The following HSD17B12 variants were observed in gnomAD, a reference collection of about 807,000 sequenced individuals.
HSD17B12 encodes very-long-chain 3-oxoacyl-CoA reductase.
HSD17B12 carries 32 observed loss-of-function variants against 39.3 expected under a neutral mutation model. The ratio of observed to expected loss-of-function variants is 0.81; its 90% CI spans 0.61 to 1.09. HSD17B12 has a LOEUF of 1.09. Ranked by LOEUF, HSD17B12 falls within the 50% of genes least tolerant of loss-of-function variation. The probability of loss-of-function intolerance (pLI) is 0.00; values close to 1 mark genes in which losing one functional copy is unlikely to be tolerated. For missense variants in HSD17B12, 342 were observed against 382.9 expected (o/e 0.89, Z 0.89); for synonymous variants, 150 against 146.7 (o/e 1.02, Z -0.16).
the HSD17B12 span, among the ~76,000 whole-genome samples, chr11:43,564,898 C>CTTTT: frequency 3.6e-5 from 5 of 140,588 alleles, no homozygotes; most frequent in Non-Finnish European, 4.6e-5. Flanking sequence ...CTTTCTTCTT[C>CTTTT]TTTTTTTTTT....
intron 4 of HSD17B12, among the ~76,000 whole-genome samples, chr11:43,814,401 G>T (rs1001641800): frequency 6.6e-6 from 1 of 152,004 alleles, no homozygotes; most frequent in Non-Finnish European, 1.5e-5. Context: ...TAGGCAGATA[G>T]ATAGATCATC....
At chr11:43,649,627 C>T in the HSD17B12 span, among the ~76,000 whole-genome samples, 1 of 152,218 alleles carries the variant, frequency 6.6e-6, no homozygotes, top group Non-Finnish European at 1.5e-5. Context: ...AAGGTGGCCA[C>T]AACTGTGTCT....
At chr11:43,672,672 C>T in the HSD17B12 span, among the ~76,000 whole-genome samples, 35 of 152,094 alleles carry the variant, frequency 2.3e-4, no homozygotes, top group Non-Finnish European at 3.7e-4. Flanking sequence ...CCCTGAGTAG[C>T]TGGGATTACA....
the HSD17B12 span, among the ~76,000 whole-genome samples, chr11:43,633,684 C>T: frequency 6.6e-6 from 1 of 152,088 alleles, no homozygotes; most frequent in Non-Finnish European, 1.5e-5. Flanking sequence ...GTAATGGTCC[C>T]ACCCTAAATG....
At chr11:43,639,198 A>T in the HSD17B12 span, among the ~76,000 whole-genome samples, 1 of 152,188 alleles carries the variant, frequency 6.6e-6, no homozygotes, top group Non-Finnish European at 1.5e-5. Context: ...AAAACATTGC[A>T]CTTTTTTCTC....
intron 1 of HSD17B12, among the ~76,000 whole-genome samples, chr11:43,745,180 C>A (rs146849117): frequency 3.1e-4 from 47 of 152,206 alleles, no homozygotes; most frequent in Admixed American, 2.8e-3. Context: ...AATCTCTAGA[C>A]CTGGCATATT....
At chr11:43,673,553 C>T in the HSD17B12 span, among the ~76,000 whole-genome samples, 4,803 of 130,842 alleles carry the variant, frequency 0.037, 381 homozygotes, top group Admixed American at 0.24. Flanking sequence ...AGTTCAATGG[C>T]GCAATCTCAG....
chr11:43,707,816 A>G (rs1950029594), intron 1 of HSD17B12, among the ~76,000 whole-genome samples: 2 of 152,208 alleles, frequency 1.3e-5, no homozygotes, highest in Non-Finnish European at 2.9e-5. Context: ...CTATCTAACA[A>G]AAAACTAAGT....
At chr11:43,630,275 C>G in the HSD17B12 span, among the ~76,000 whole-genome samples, 1 of 152,082 alleles carries the variant, frequency 6.6e-6, no homozygotes, top group Non-Finnish European at 1.5e-5. Flanking sequence ...TTCTCTGGAT[C>G]CCTGTCAATT....
the HSD17B12 span, among the ~76,000 whole-genome samples, chr11:43,629,329 T>G: frequency 2.0e-5 from 3 of 152,252 alleles, no homozygotes; most frequent in Non-Finnish European, 4.4e-5. Flanking sequence ...AAGGACCTGC[T>G]ATTCAAATTG....
intron 4 of HSD17B12, among the ~76,000 whole-genome samples, chr11:43,805,497 C>T (rs1369066267): frequency 6.6e-6 from 1 of 152,068 alleles, no homozygotes; most frequent in African/African-American, 2.4e-5. Context: ...TGAGAGAGCA[C>T]CAAAGGTAAA....
chr11:43,594,155 AC>A, the HSD17B12 span, among the ~76,000 whole-genome samples: 1 of 152,236 alleles, frequency 6.6e-6, no homozygotes, highest in Non-Finnish European at 1.5e-5. Flanking sequence ...ACGATAGTTA[AC>A]TTTTTAAAAT....
Position 43,815,450 on chromosome 11 carries a change from A to T in HSD17B12, c.405A>T (p.Gly135=), listed in dbSNP as rs1191252347. ...GTTCTATTTCAGTGAACAACGTGGG[A>T]ATGTCGTATGAGTATCCTGAATACT... ...LEIGILVNNV[G]MSYEYPEYFL... The change falls in exon 5 of 11, where the codon GGA becomes GGT. Residue 135 remains glycine (G), a synonymous_variant. Coordinates refer to ENST00000278353, the MANE Select transcript of HSD17B12 (RefSeq NM_016142.3). 6.4e-7 allele frequency: 1 copy of T among 1,570,548 alleles called. No individual in the cohort carries two copies. The highest frequency in any genetic ancestry group is 8.7e-7 in the Non-Finnish European group (1 of 1,149,226).
rs186254745 is a variant in HSD17B12 at position 43,709,696 on chromosome 11, A to G, written c.160+28709A>G. Reference sequence around the variant, plus strand: ...ACAGATGAAAGAAAACCTTAAATTAAGTAGATATAAACAAGAAACATTTTG... The same window carrying G: ...ACAGATGAAAGAAAACCTTAAATTAGGTAGATATAAACAAGAAACATTTTG... On this transcript the variant is annotated intron_variant, in intron 1 of 10. Coordinates refer to ENST00000278353, the MANE Select transcript of HSD17B12 (RefSeq NM_016142.3). 1.8e-3 allele frequency among the ~76,000 whole-genome samples: 280 copies of G among 152,334 alleles called. 2 individuals are homozygous for G. The highest frequency in any genetic ancestry group is 6.4e-3 in the African/African-American group (267 of 41,576).
At chr11:43,796,632 A>C (rs1228845327) in intron 3 of HSD17B12, among the ~76,000 whole-genome samples, 2 of 152,242 alleles carry the variant, frequency 1.3e-5, no homozygotes. Context: ...AAGTATGTAC[A>C]TTCAGCAAAT....
At chr11:43,724,968 G>A (rs1423437974) in intron 1 of HSD17B12, among the ~76,000 whole-genome samples, 1 of 152,112 alleles carries the variant, frequency 6.6e-6, no homozygotes, top group Non-Finnish European at 1.5e-5. Context: ...AGCAGGATTG[G>A]TATTCACTTA....
chr11:43,612,413 G>A, the HSD17B12 span, among the ~76,000 whole-genome samples: 1 of 152,176 alleles, frequency 6.6e-6, no homozygotes, highest in African/African-American at 2.4e-5. Flanking sequence ...GAAAGTCTGG[G>A]TTTGGTCTGG....
chr11:43,610,886 A>T, the HSD17B12 span, among the ~76,000 whole-genome samples: 3 of 152,170 alleles, frequency 2.0e-5, no homozygotes, highest in African/African-American at 7.2e-5. Flanking sequence ...AATATATCAG[A>T]TCTTCAAGAG....
At chr11:43,735,237 A>G (rs1163596260) in intron 1 of HSD17B12, among the ~76,000 whole-genome samples, 1 of 152,196 alleles carries the variant, frequency 6.6e-6, no homozygotes, top group Non-Finnish European at 1.5e-5. Context: ...GAACATTCAT[A>G]TACAAGTTTC....
Sources: gnomAD v4.1 joint callset for allele counts (sites outside exome capture counted in the v4.1 genomes callset) on GRCh38, gnomAD v4.1.1 for gene constraint, MANE v1.5 for transcripts, NCBI Gene and HGNC (gene_info 2026-07-23, HGNC 2026-07-21) for gene names.